Variants in ACADSB observed in about 807,000 individuals in gnomAD.
The protein encoded by ACADSB is short/branched chain specific acyl-CoA dehydrogenase, mitochondrial.
In ACADSB, 40 loss-of-function variants were observed where a neutral mutation model predicts 54.1. The ratio of observed to expected loss-of-function variants is 0.74; its 90% CI spans 0.57 to 0.96. The LOEUF is 0.96. ACADSB is among the 40% of genes least tolerant of loss of function. The pLI is 0.00. For synonymous variants in ACADSB, 182 were observed against 182.8 expected, an observed-to-expected ratio of 1.00 and a Z score of 0.03; for missense variants, 530 against 510.4, an observed-to-expected ratio of 1.04 and a Z score of -0.37.
At chr10:123,034,657 C>T (rs1850373326) in intron 2 of ACADSB, 142 bp downstream of exon 2, 1 of 853,406 alleles carries the variant, frequency 1.2e-6, no homozygotes, top group African/African-American at 1.7e-5. Flanking sequence ...AAAATATCAC[C>T]TTATTATTCC....
intron 1 of ACADSB, among the ~76,000 whole-genome samples, chr10:123,013,020 T>A (rs939830660): frequency 2.6e-5 from 4 of 152,146 alleles, no homozygotes; most frequent in Non-Finnish European, 5.9e-5. Flanking sequence ...TTACAAACCC[T>A]GAACTAGACA....
At chr10:123,044,808 A>G (rs1032774053) in intron 7 of ACADSB, among the ~76,000 whole-genome samples, 2 of 152,178 alleles carry the variant, frequency 1.3e-5, no homozygotes, top group African/African-American at 4.8e-5. Flanking sequence ...TTTTCAAAGC[A>G]TGAAATTCAT....
At chr10:123,033,922 G>C (rs1182882467) in intron 1 of ACADSB, among the ~76,000 whole-genome samples, 2 of 152,172 alleles carry the variant, frequency 1.3e-5, no homozygotes, top group Non-Finnish European at 2.9e-5. Flanking sequence ...GTAGCTCTAT[G>C]TCCTCCCCAG....
intron 1 of ACADSB, among the ~76,000 whole-genome samples, chr10:123,020,973 A>T (rs553268377): frequency 6.6e-6 from 1 of 152,356 alleles, no homozygotes; most frequent in South Asian, 2.1e-4. Context: ...ACTGCACTCC[A>T]GCCTGGGTGA....
intron 5 of ACADSB, among the ~76,000 whole-genome samples, chr10:123,042,194 G>A (rs1488703130): frequency 6.6e-6 from 1 of 151,930 alleles, no homozygotes; most frequent in African/African-American, 2.4e-5. Context: ...TCAAACTCCT[G>A]ACGTCGGATG....
In ACADSB at chr10:123,053,941, G is replaced by A; in HGVS notation, c.*176G>A. 1 of 652,424 alleles carries A rather than the reference G, an allele frequency of 1.5e-6. No homozygotes were observed. The highest frequency in any genetic ancestry group is 2.7e-6 in the Non-Finnish European group (1 of 369,954). The allele number at this position is 652,424 out of a possible 1,614,324, so 40.4% of individuals were successfully genotyped here. On this transcript the variant is annotated 3_prime_UTR_variant, in exon 11 of 11. Coordinates refer to ENST00000358776, the MANE Select transcript of ACADSB (RefSeq NM_001609.4). ...CTTTTTGGTTTTCTCTTTTCAGGCT[G>A]TTTAACTTAGGCACAGGAGATCCAC...
At chr10:123,044,880 T>G (rs1439325290) in intron 7 of ACADSB, among the ~76,000 whole-genome samples, 2 of 151,996 alleles carry the variant, frequency 1.3e-5, no homozygotes, top group Non-Finnish European at 2.9e-5. Flanking sequence ...AGTAAAGATA[T>G]CTATAGTTAA....
chr10:123,051,782 A>G (rs1850636920), intron 9 of ACADSB, among the ~76,000 whole-genome samples: 1 of 152,148 alleles, frequency 6.6e-6, no homozygotes, highest in Non-Finnish European at 1.5e-5. Flanking sequence ...TTAAATTCTC[A>G]TTTAACCTCT....
In ACADSB at chr10:123,053,054, T is replaced by C. The variant is rs1850653040; in HGVS notation, c.1129-7T>C. 1 of 1,612,058 alleles carries C rather than the reference T, an allele frequency of 6.2e-7. No individual in the cohort carries two copies. The highest frequency in any genetic ancestry group is 8.5e-7 in the Non-Finnish European group (1 of 1,178,300). On this transcript the variant is annotated splice_polypyrimidine_tract_variant and splice_region_variant and intron_variant, in intron 9 of 10. Transcript: ENST00000358776. The stretch of plus-strand genomic sequence containing the variant: ...TTCAGTGTGTGATTTGCACTTGCTT[T>C]TGGTAGATTGCAGGACAAACAACGA...
intron 7 of ACADSB, among the ~76,000 whole-genome samples, chr10:123,044,973 A>G (rs1850531939): frequency 6.6e-6 from 1 of 151,604 alleles, no homozygotes; most frequent in South Asian, 2.1e-4. Flanking sequence ...GCCACAGTTA[A>G]GTAGATACAT....
At position 123,044,382 on chromosome 10, in the gene ACADSB, T is replaced by G; in HGVS notation, c.808-11T>G. The G allele has an allele frequency of 1.3e-6, 2 of 1,592,346 alleles. No individual in the cohort carries two copies. Among genetic ancestry groups the G allele is most frequent in the Non-Finnish European group, 1.7e-6 (2 of 1,160,320 alleles). On this transcript the variant is annotated splice_polypyrimidine_tract_variant and intron_variant, in intron 6 of 10. Coordinates refer to ENST00000358776, the MANE Select transcript of ACADSB (RefSeq NM_001609.4). Reference sequence around the variant, plus strand: ...TGAAACTGAGAAATAAGTGCACATTTGTATTTTCAGGTTCCAGAAGCCAAT... The same window carrying G: ...TGAAACTGAGAAATAAGTGCACATTGGTATTTTCAGGTTCCAGAAGCCAAT...
chr10:123,028,301 G>T (rs1159240692), intron 1 of ACADSB, among the ~76,000 whole-genome samples: 3 of 152,096 alleles, frequency 2.0e-5, no homozygotes, highest in East Asian at 3.9e-4. Context: ...CCTTAAAATT[G>T]TTCTGTGTCA....
At chr10:123,017,149 T>C (rs1321372707) in intron 1 of ACADSB, among the ~76,000 whole-genome samples, 1 of 152,186 alleles carries the variant, frequency 6.6e-6, no homozygotes, top group Admixed American at 6.5e-5. Flanking sequence ...CAAGTAATTA[T>C]GTGATTAAAA....
At chr10:123,051,912 C>T (rs569289880) in intron 9 of ACADSB, among the ~76,000 whole-genome samples, 7 of 152,284 alleles carry the variant, frequency 4.6e-5, no homozygotes, top group East Asian at 3.9e-4. Flanking sequence ...TCCCTCACCC[C>T]CCACATTGAG....
At chr10:123,019,937 T>C (rs1383507138) in intron 1 of ACADSB, among the ~76,000 whole-genome samples, 1 of 152,184 alleles carries the variant, frequency 6.6e-6, no homozygotes, top group Non-Finnish European at 1.5e-5. Context: ...GAATATTAGA[T>C]AAATAGAATC....
Position 123,056,771 on chromosome 10 carries a change from A to T in ACADSB, c.*3006A>T, listed in dbSNP as rs537107701. On this transcript the variant is annotated 3_prime_UTR_variant, in exon 11 of 11. Coordinates refer to ENST00000358776, the MANE Select transcript of ACADSB (RefSeq NM_001609.4). The stretch of plus-strand genomic sequence containing the variant: ...ATAAAAGGATAATGTTTATTTAAAA[A>T]ACCTGACTTTTCCAGAGTAATTTTG... 1 of 152,482 alleles carries T rather than the reference A, an allele frequency of 6.6e-6. No homozygotes were observed. The highest frequency in any genetic ancestry group is 1.5e-5 in the Non-Finnish European group (1 of 68,030). The allele number at this position is 152,482 out of a possible 1,614,324, so 9.4% of individuals were successfully genotyped here. A position where few individuals can be genotyped will look rare whatever the true frequency, so the allele number is the denominator to read the frequency against.
chr10:123,050,133 G>A lies in ACADSB; in HGVS notation c.991-916G>A, dbSNP rs553026014. Among the ~76,000 whole-genome samples, 174 of 152,346 alleles carry A rather than the reference G, an allele frequency of 1.1e-3. No individual in the cohort carries two copies. In the South Asian group the frequency reaches 0.014, roughly 12 times the overall value. Reference sequence around the variant, plus strand: ...AATCTGTAGGGTATTAACAAACAGTGCTGTTTTTCTCCAACTTTTCCCTCC... The same window carrying A: ...AATCTGTAGGGTATTAACAAACAGTACTGTTTTTCTCCAACTTTTCCCTCC... On this transcript the variant is annotated intron_variant, in intron 8 of 10. Coordinates refer to ENST00000358776, the MANE Select transcript of ACADSB (RefSeq NM_001609.4).
At chr10:123,025,016 AC>A (rs1242537657) in intron 1 of ACADSB, among the ~76,000 whole-genome samples, 1 of 152,044 alleles carries the variant, frequency 6.6e-6, no homozygotes, top group African/African-American at 2.4e-5. Context: ...GGATCACCTG[AC>A]CCTGGGAAGT....
chr10:123,057,115 A>T lies in ACADSB; in HGVS notation c.*3350A>T, dbSNP rs1194101525. On this transcript the variant is annotated 3_prime_UTR_variant, in exon 11 of 11. Coordinates refer to ENST00000358776, the MANE Select transcript of ACADSB (RefSeq NM_001609.4). ...TATGTGAAAGAGGTGGACTTTACAG[A>T]TAATGGAGCAGAAGCCAACATTAGT... 6.6e-6 allele frequency: 1 copy of T among 152,512 alleles called. No homozygotes were observed. The highest frequency in any genetic ancestry group is 6.5e-5 in the Admixed American group (1 of 15,284). The allele number at this position is 152,512 out of a possible 1,614,324, so 9.4% of individuals were successfully genotyped here.
Sources: allele counts gnomAD v4.1 joint callset (sites outside exome capture counted in the v4.1 genomes callset), GRCh38; gene constraint gnomAD v4.1.1; transcripts MANE v1.5; gene names NCBI Gene and HGNC (gene_info 2026-07-23, HGNC 2026-07-21).